FIRRM: variants seen among roughly 807,000 people sequenced by gnomAD.
The protein encoded by FIRRM is FIGNL1 interacting regulator of recombination and mitosis.
chr1:169,847,090 A>G, the FIRRM span, among the ~76,000 whole-genome samples: 1 of 152,128 alleles, frequency 6.6e-6, no homozygotes, highest in East Asian at 1.9e-4. Flanking sequence ...ACAACACACA[A>G]TTTATTATAT....
At chr1:169,849,132 G>T in the FIRRM span, among the ~76,000 whole-genome samples, 2 of 152,200 alleles carry the variant, frequency 1.3e-5, no homozygotes, top group African/African-American at 4.8e-5. Context: ...ATGAATGTGG[G>T]GGTCCAATTT....
the FIRRM span, among the ~76,000 whole-genome samples, chr1:169,791,761 T>C: frequency 6.6e-6 from 1 of 152,202 alleles, no homozygotes; most frequent in Non-Finnish European, 1.5e-5. Context: ...GTCCGATTAT[T>C]TTAGCTACTT....
the FIRRM span, among the ~76,000 whole-genome samples, chr1:169,800,730 T>TTG: frequency 6.6e-6 from 1 of 151,306 alleles, no homozygotes; most frequent in Non-Finnish European, 1.5e-5. Context: ...TTTTTTTTTT[T>TTG]GGCTACTACT....
chr1:169,819,863 C>T, the FIRRM span, among the ~76,000 whole-genome samples: 16 of 152,246 alleles, frequency 1.1e-4, no homozygotes, highest in Admixed American at 1.0e-3. Context: ...AGAAAGTACT[C>T]ATTGCCTTTG....
the FIRRM span, chr1:169,804,195 G>GTTTGCATTGTC: frequency 1.5e-5 from 24 of 1,594,722 alleles, no homozygotes; most frequent in Non-Finnish European, 2.0e-5. Flanking sequence ...GGTTTGCATG[G>GTTTGCATTGTC]ACCCTTTAGT....
the FIRRM span, among the ~76,000 whole-genome samples, chr1:169,814,704 G>C: frequency 1.3e-3 from 202 of 152,342 alleles, no homozygotes; most frequent in African/African-American, 4.7e-3. Flanking sequence ...ATTTCAGATA[G>C]ATGATTCTTC....
At chr1:169,824,717 G>C in the FIRRM span, among the ~76,000 whole-genome samples, 2 of 152,090 alleles carry the variant, frequency 1.3e-5, no homozygotes, top group Non-Finnish European at 2.9e-5. Context: ...TGTTCTGTTG[G>C]TTTCTAGGGC....
At chr1:169,852,628 A>ATAT in the FIRRM span, 5 of 676,986 alleles carry the variant, frequency 7.4e-6, no homozygotes, top group African/African-American at 1.8e-5. Context: ...ATGCCTTTAC[A>ATAT]TATTTTTCTA....
the FIRRM span, chr1:169,793,872 G>T: frequency 4.3e-6 from 2 of 465,488 alleles, no homozygotes; most frequent in South Asian, 6.8e-5. Context: ...CTTTTTAGAC[G>T]TCTTTGGTCC....
chr1:169,791,998 A>T, the FIRRM span, among the ~76,000 whole-genome samples: 2 of 152,168 alleles, frequency 1.3e-5, no homozygotes, highest in African/African-American at 4.8e-5. Flanking sequence ...TTACTTGGCT[A>T]TAAGGGGTAA....
At chr1:169,836,586 G>A in the FIRRM span, among the ~76,000 whole-genome samples, 1 of 152,152 alleles carries the variant, frequency 6.6e-6, no homozygotes, top group Non-Finnish European at 1.5e-5. Context: ...TGACTTAACT[G>A]TACAAGGTGA....
the FIRRM span, chr1:169,850,533 C>T: frequency 2.0e-6 from 1 of 497,324 alleles, no homozygotes; most frequent in South Asian, 2.5e-5. Flanking sequence ...CGCGGCGGCT[C>T]ATGCCTGTAA....
the FIRRM span, chr1:169,823,522 C>T: frequency 8.5e-7 from 1 of 1,175,290 alleles, no homozygotes; most frequent in South Asian, 1.4e-5. Flanking sequence ...CCATCTGTGC[C>T]ATGCAGTGCT....
chr1:169,846,120 C>G, the FIRRM span, among the ~76,000 whole-genome samples: 1 of 152,324 alleles, frequency 6.6e-6, no homozygotes, highest in East Asian at 1.9e-4. Flanking sequence ...TTCAGAGCGC[C>G]TGGTTGAGCA....
the FIRRM span, among the ~76,000 whole-genome samples, chr1:169,812,572 A>G: frequency 6.6e-5 from 10 of 152,102 alleles, no homozygotes; most frequent in African/African-American, 2.2e-4. Flanking sequence ...AAAATAATCG[A>G]AAAGGCTGAG....
chr1:169,822,324 C>T, the FIRRM span, among the ~76,000 whole-genome samples: 264 of 152,254 alleles, frequency 1.7e-3, no homozygotes, highest in African/African-American at 6.1e-3. Context: ...TATAATAAAT[C>T]GTCATTGGAA....
the FIRRM span, among the ~76,000 whole-genome samples, chr1:169,811,149 C>A: frequency 6.6e-6 from 1 of 152,042 alleles, no homozygotes; most frequent in Non-Finnish European, 1.5e-5. Context: ...CGTGAGCCAC[C>A]GCGCCCGGCC....
At chr1:169,794,966 G>A in the FIRRM span, 3 of 668,640 alleles carry the variant, frequency 4.5e-6, no homozygotes, top group Admixed American at 5.0e-5. Context: ...TGAGGGACCC[G>A]GGCTCACCAA....
At chr1:169,850,818 T>C in the FIRRM span, 1 of 155,714 alleles carries the variant, frequency 6.4e-6, no homozygotes, top group Admixed American at 6.2e-5. Flanking sequence ...GTAGTTCCTC[T>C]GCCTGTAGTT....
Sources: allele counts gnomAD v4.1 joint callset (sites outside exome capture counted in the v4.1 genomes callset), GRCh38; gene constraint gnomAD v4.1.1; transcripts MANE v1.5; gene names NCBI Gene and HGNC (gene_info 2026-07-23, HGNC 2026-07-21).